Variants in BRCA2 observed in about 807,000 individuals in gnomAD.
The protein encoded by BRCA2 is breast cancer type 2 susceptibility protein.
A neutral mutation model predicts 276.7 loss-of-function variants in BRCA2; 203 were observed. That is an observed-to-expected ratio of 0.73 (90% confidence interval 0.65 to 0.82). BRCA2 has a LOEUF of 0.82. BRCA2 is among the 40% of genes least tolerant of loss of function. The pLI is 0.00. For synonymous variants in BRCA2, 1,289 were observed against 1,338.4 expected, an observed-to-expected ratio of 0.96 and a Z score of 0.81; for missense variants, 3,920 against 3,915.0, an observed-to-expected ratio of 1.00 and a Z score of -0.03.
In BRCA2 at chr13:32,398,183, A is replaced by G. The variant is rs374321381; in HGVS notation, c.9670A>G (p.Ile3224Val). 1.2e-6 allele frequency: 2 copies of G among 1,610,718 alleles called. No individual in the cohort carries two copies. Among genetic ancestry groups the G allele is most frequent in the Non-Finnish European group, 1.7e-6 (2 of 1,178,122 alleles). The change falls in exon 27 of 27, where the codon ATA becomes GTA. Residue 3224 changes from isoleucine (I) to valine (V), a missense_variant. This residue lies in a region of BRCA2 where 657 missense variants were observed against 758.2 expected (regional missense o/e 0.87). Transcript: ENST00000380152. ...TCAGATGTCTTCTCCTAATTGTGAG[A>G]TATATTATCAAAGTCCTTTATCACT... The part of the protein sequence containing the change: ...KLLMSSPNCE[I>V]YYQSPLSLCM...
In BRCA2 at chr13:32,316,543, A is replaced by T. The variant is rs529148674; in HGVS notation, c.67+16A>T. On this transcript the variant is annotated intron_variant, in intron 2 of 26. Coordinates refer to ENST00000380152, the MANE Select transcript of BRCA2 (RefSeq NM_000059.4). ...AACAAAGCAGGTATTGACAAATTTTATATAACTTTATAAATTACACCGAGA... is the reference window on the plus strand; with the variant it reads ...AACAAAGCAGGTATTGACAAATTTTTTATAACTTTATAAATTACACCGAGA... 2.5e-6 allele frequency: 4 copies of T among 1,601,378 alleles called. No homozygotes were observed. In the Admixed American group the frequency reaches 5.0e-5, roughly 20 times the overall value.
At position 32,333,727 on chromosome 13, in the gene BRCA2, C is replaced by T. The variant is rs547832809; in HGVS notation, c.1909+340C>T. Among the ~76,000 whole-genome samples, 37 of 152,236 alleles carry T rather than the reference C, an allele frequency of 2.4e-4. 1 individual carries two copies. In the Middle Eastern group the frequency reaches 0.014, roughly 56 times the overall value. ...CAACCCTTCACCTGAGTATTAAGCC[C>T]AGCATGCATTAGCTATTTTTCCTGG... On this transcript the variant is annotated intron_variant, in intron 10 of 26. Transcript: ENST00000380152.
At chr13:32,317,890 T>C (rs967617354) in intron 2 of BRCA2, among the ~76,000 whole-genome samples, 6 of 152,244 alleles carry the variant, frequency 3.9e-5, no homozygotes, top group African/African-American at 1.4e-4. Context: ...ATTGAAAAAA[T>C]TGCTTGTTCA....
rs80358750 is a variant in BRCA2, at chr13:32,339,627, A to G, written c.5272A>G (p.Asn1758Asp). The G allele has an allele frequency of 1.1e-5, 18 of 1,611,862 alleles. No homozygotes were observed. The highest frequency in any genetic ancestry group is 1.4e-5 in the Non-Finnish European group (17 of 1,178,334). The change falls in exon 11 of 27, where the codon AAT (asparagine) becomes GAT (aspartate). Residue 1758 changes from asparagine (N) to aspartate (D), a missense_variant. Around this residue, in one of 2 missense-constraint regions of BRCA2, gnomAD observed 3,263 missense variants for 3,156.9 expected, o/e 1.03. Coordinates refer to ENST00000380152, the MANE Select transcript of BRCA2 (RefSeq NM_000059.4). ...TTCCTACCATTCTGATGAGGTATAT[A>G]ATGATTCAGGATATCTCTCAAAAAA... The part of the protein sequence containing the change: ...SYSYHSDEVY[N>D]DSGYLSKNKL...
rs2072713336 is a variant in BRCA2 at position 32,358,059 on chromosome 13, C to A, written c.7805+130C>A. On this transcript the variant is annotated intron_variant, in intron 16 of 26. Coordinates refer to ENST00000380152, the MANE Select transcript of BRCA2 (RefSeq NM_000059.4). ...TTTATGCATTTAATTGTTTTAAGTG[C>A]ATTATGGTTAAGCATTCTGTAGAAG... The A allele has an allele frequency of 9.5e-6, 9 of 949,692 alleles. No homozygotes were observed. The South Asian group carries it at 1.2e-4, about 12-fold the overall frequency. The allele number at this position is 949,692 out of a possible 1,614,324, so 58.8% of individuals were successfully genotyped here. A position where few individuals can be genotyped will look rare whatever the true frequency, so the allele number is the denominator to read the frequency against.
Position 32,316,419 on chromosome 13 carries a change from CAG to C in BRCA2, c.-39-1_-39del, listed in dbSNP as rs758732038. The C allele has an allele frequency of 6.4e-7, 1 of 1,566,478 alleles. No individual in the cohort carries two copies. Among genetic ancestry groups the C allele is most frequent in the East Asian group, 2.2e-5 (1 of 44,572 alleles). On this transcript the variant is annotated splice_acceptor_variant, in intron 1 of 26. Transcript: ENST00000380152. LOFTEE classifies it low-confidence loss of function (5UTR_SPLICE). ...AAGTGCATTTTGGTCTTCTGTTTTG[CAG>C]ACTTATTTACCAAGCATTGGAGGAA...
chr13:32,328,936 T>C (rs2072369103), intron 7 of BRCA2, among the ~76,000 whole-genome samples: 1 of 152,192 alleles, frequency 6.6e-6, no homozygotes, highest in African/African-American at 2.4e-5. Context: ...GCTTAATTTA[T>C]TCCCAAACCA....
chr13:32,370,064 G>C (rs190072587), intron 18 of BRCA2, among the ~76,000 whole-genome samples: 3 of 152,182 alleles, frequency 2.0e-5, no homozygotes, highest in Admixed American at 2.0e-4. Flanking sequence ...AGTTGCCTTT[G>C]TCCATGTAGA....
intron 3 of BRCA2, among the ~76,000 whole-genome samples, chr13:32,324,869 C>T (rs2072331864): frequency 6.6e-6 from 1 of 152,158 alleles, no homozygotes; most frequent in Non-Finnish European, 1.5e-5. Flanking sequence ...CCCACCTCAG[C>T]CTCCCAGAGC....
At chr13:32,346,692 C>T (rs1266503877) in intron 12 of BRCA2, 135 bp from the exon 13 acceptor site, 2 of 622,420 alleles carry the variant, frequency 3.2e-6, no homozygotes, top group Non-Finnish European at 5.4e-6. Context: ...TCATAGTTAA[C>T]ATTTATTGAG....
Position 32,338,940 on chromosome 13 carries a change from G to A in BRCA2, c.4585G>A (p.Gly1529Arg), listed in dbSNP as rs28897728. Residue 1529 changes from glycine to arginine, a missense_variant, in exon 11 of 27, where the codon GGG (glycine) becomes AGG (arginine). By Grantham distance (125) the Gly-to-Arg change is moderately radical. Coordinates refer to ENST00000380152, the MANE Select transcript of BRCA2 (RefSeq NM_000059.4). ...TCTATTGGGTTTTCATACAGCTAGCGGGAAAAAAGTTAAAATTGCAAAGGA... is the reference window on the plus strand; with the variant it reads ...TCTATTGGGTTTTCATACAGCTAGCAGGAAAAAAGTTAAAATTGCAAAGGA... ...PTLLGFHTAS[G>R]KKVKIAKESL... is the part of the protein sequence containing the mutation. The A allele has an allele frequency of 6.6e-4, 1,062 of 1,613,772 alleles. 1 individual carries two copies. The highest frequency in any genetic ancestry group is 8.3e-4 in the Middle Eastern group (5 of 6,060).
chr13:32,368,267 G>T (rs2072800034), intron 18 of BRCA2, among the ~76,000 whole-genome samples: 2 of 151,678 alleles, frequency 1.3e-5, no homozygotes, highest in African/African-American at 4.8e-5. Flanking sequence ...TGATCTGCCC[G>T]CCTTGGCCTC....
At chr13:32,377,686 T>A (rs1011417964) in intron 21 of BRCA2, among the ~76,000 whole-genome samples, 1 of 152,092 alleles carries the variant, frequency 6.6e-6, no homozygotes, top group Non-Finnish European at 1.5e-5. Flanking sequence ...TGTTAGTTAC[T>A]ATTATTAGAA....
At chr13:32,392,025 C>T (rs2073000277) in intron 24 of BRCA2, among the ~76,000 whole-genome samples, 1 of 152,156 alleles carries the variant, frequency 6.6e-6, no homozygotes, top group South Asian at 2.1e-4. Flanking sequence ...ACAGTACTAT[C>T]ATCAAGTTTT....
At chr13:32,328,709 T>A (rs1461823265) in intron 7 of BRCA2, among the ~76,000 whole-genome samples, 1 of 152,242 alleles carries the variant, frequency 6.6e-6, no homozygotes, top group African/African-American at 2.4e-5. Context: ...AAACAGCGAA[T>A]AATTTTGAGA....
At chr13:32,361,319 G>T (rs1390840948) in intron 16 of BRCA2, among the ~76,000 whole-genome samples, 11 of 152,198 alleles carry the variant, frequency 7.2e-5, no homozygotes, top group Non-Finnish European at 1.5e-4. Flanking sequence ...TAGCACTGCA[G>T]AAGACATTAC....
At position 32,336,834 on chromosome 13, in the gene BRCA2, AATT is replaced by A. The variant is rs1488551578; in HGVS notation, c.2482_2484del (p.Tyr828del). 2.5e-6 allele frequency: 4 copies of A among 1,603,310 alleles called. No homozygotes were observed. The highest frequency in any genetic ancestry group is 3.4e-6 in the Non-Finnish European group (4 of 1,177,320). On this transcript the variant is annotated inframe_deletion, in exon 11 of 27. Transcript: ENST00000380152. ...TCAAGATGTATGTGCTTTAAATGAAAATTATAAAAACGTTGAGCTGTTGCCACC... is the reference window on the plus strand; with the variant it reads ...TCAAGATGTATGTGCTTTAAATGAAAATAAAAACGTTGAGCTGTTGCCACC...
chr13:32,376,468 C>T (rs1378344070), intron 20 of BRCA2, among the ~76,000 whole-genome samples: 1 of 151,312 alleles, frequency 6.6e-6, no homozygotes, highest in Non-Finnish European at 1.5e-5. Flanking sequence ...TTGCAATGAG[C>T]CGAGATCACA....
intron 16 of BRCA2, among the ~76,000 whole-genome samples, chr13:32,359,222 GAAAAAA>G (rs67041705): frequency 1.7e-3 from 183 of 107,384 alleles, no homozygotes; most frequent in African/African-American, 6.0e-3. Context: ...TCCATCTCAA[GAAAAAA>G]AAAAAAAAAA....
Sources: gnomAD v4.1 joint callset for allele counts (sites outside exome capture counted in the v4.1 genomes callset) on GRCh38, gnomAD v4.1.1 for gene constraint, gnomAD v4.1.1 regional missense constraint, MANE v1.5 for transcripts, NCBI Gene and HGNC (gene_info 2026-07-23, HGNC 2026-07-21) for gene names.